UBR3: variants seen among roughly 807,000 people sequenced by gnomAD.
The protein encoded by UBR3 is E3 ubiquitin-protein ligase UBR3.
Under a neutral mutation model 243.2 loss-of-function variants are expected in UBR3, and 85 were observed. The ratio of observed to expected loss-of-function variants is 0.35; its 90% CI spans 0.29 to 0.42. The LOEUF is 0.42. UBR3 is among the 10% of genes least tolerant of loss of function. The pLI is 1.00. For synonymous variants in UBR3, 748 were observed against 799.8 expected, an observed-to-expected ratio of 0.94 and a Z score of 1.09; for missense variants, 1,686 against 2,300.8, an observed-to-expected ratio of 0.73 and a Z score of 5.47.
At chr2:169,856,858 A>C (rs1422996585) in intron 1 of UBR3, among the ~76,000 whole-genome samples, 13 of 151,860 alleles carry the variant, frequency 8.6e-5, no homozygotes, top group Non-Finnish European at 2.9e-5. Context: ...AGGGGGAGCT[A>C]TCCATTACTT....
intron 19 of UBR3, among the ~76,000 whole-genome samples, chr2:169,940,770 C>T (rs2086551766): frequency 6.6e-6 from 1 of 152,122 alleles, no homozygotes; most frequent in South Asian, 2.1e-4. Context: ...ACAGTTGTCC[C>T]CTCTTATCTG....
intron 1 of UBR3, among the ~76,000 whole-genome samples, chr2:169,835,768 T>C (rs1482926738): frequency 6.6e-6 from 1 of 152,014 alleles, no homozygotes; most frequent in Non-Finnish European, 1.5e-5. Context: ...TAAAACTCAG[T>C]TAAAACTATT....
chr2:169,835,826 T>C (rs1256815729), intron 1 of UBR3, among the ~76,000 whole-genome samples: 1 of 151,990 alleles, frequency 6.6e-6, no homozygotes, highest in East Asian at 1.9e-4. Context: ...AAAAGTAGTA[T>C]AACAGATACC....
At chr2:169,945,583 C>G (rs2086757735) in intron 20 of UBR3, among the ~76,000 whole-genome samples, 1 of 152,182 alleles carries the variant, frequency 6.6e-6, no homozygotes, top group Admixed American at 6.5e-5. Flanking sequence ...TTCATCCTTT[C>G]CATCATTTGG....
At chr2:169,855,184 T>C (rs2105296330) in intron 1 of UBR3, among the ~76,000 whole-genome samples, 1 of 152,282 alleles carries the variant, frequency 6.6e-6, no homozygotes, top group Middle Eastern at 3.4e-3. Context: ...GGATGAAAAA[T>C]TAAGAGATCC....
chr2:170,034,640 G>A (rs1004687463), intron 31 of UBR3, among the ~76,000 whole-genome samples: 1 of 151,966 alleles, frequency 6.6e-6, no homozygotes, highest in African/African-American at 2.4e-5. Flanking sequence ...AAACATCTGT[G>A]TGCAGGTTTT....
chr2:169,928,889 G>T (rs752950996), intron 18 of UBR3, 21 bp downstream of exon 18: 55 of 1,360,584 alleles, frequency 4.0e-5, no homozygotes, highest in Non-Finnish European at 5.2e-5. Flanking sequence ...ATACATAAAT[G>T]GACTCTTTCA....
chr2:169,872,310 A>C lies in UBR3; in HGVS notation c.620A>C (p.Glu207Ala). The C allele has an allele frequency of 1.3e-6, 2 of 1,532,102 alleles. No individual in the cohort carries two copies. The highest frequency in any genetic ancestry group is 1.8e-6 in the Non-Finnish European group (2 of 1,132,542). 94.9% of individuals were successfully genotyped at this position (1,532,102 alleles called of 1,614,324 possible). Residue 207 changes from glutamate to alanine, a missense_variant, in exon 2 of 39, where the codon GAA (glutamate) becomes GCA (alanine). Physicochemically the swap from Glu to Ala is moderately radical, Grantham distance 107. Coordinates refer to ENST00000272793, the MANE Select transcript of UBR3 (RefSeq NM_172070.4). ...CVPKDLLMMSEFVLPRFIFCL... is the reference protein window; with the variant it reads ...CVPKDLLMMSAFVLPRFIFCL... The stretch of plus-strand genomic sequence containing the variant: ...CCTAAAGACTTACTGATGATGTCTG[A>C]ATTTGTTCTTCCAAGATTTATATTT...
At chr2:169,980,622 T>C (rs915860219) in intron 24 of UBR3, among the ~76,000 whole-genome samples, 11 of 152,092 alleles carry the variant, frequency 7.2e-5, no homozygotes, top group African/African-American at 2.4e-4. Flanking sequence ...GGTTTCTTTT[T>C]TTTTTTAATT....
intron 1 of UBR3, among the ~76,000 whole-genome samples, chr2:169,851,856 AAC>A (rs1163365244): frequency 6.6e-6 from 1 of 151,046 alleles, no homozygotes. Context: ...AAAAAAAAAC[AAC>A]AGTTAAGTGA....
chr2:169,833,547 T>A (rs1239713425), intron 1 of UBR3, among the ~76,000 whole-genome samples: 1 of 152,192 alleles, frequency 6.6e-6, no homozygotes, highest in Non-Finnish European at 1.5e-5. Context: ...TTACATTGCT[T>A]TAGTTACTCA....
chr2:169,921,513 G>T lies in UBR3; in HGVS notation c.1867-2416G>T, dbSNP rs574716928. 8.5e-5 allele frequency among the ~76,000 whole-genome samples: 13 copies of T among 152,296 alleles called. No homozygotes were observed. The East Asian group carries it at 2.5e-3, about 29-fold the overall frequency. On this transcript the variant is annotated intron_variant, in intron 11 of 38. Transcript: ENST00000272793. ...GAATGTGAACATAGGATATGCTAAA[G>T]CCCTGAAAGATAAAATAGGGTCCAT...
chr2:169,974,266 C>A (rs549567506), intron 24 of UBR3, among the ~76,000 whole-genome samples: 1 of 152,170 alleles, frequency 6.6e-6, no homozygotes, highest in Admixed American at 6.5e-5. Flanking sequence ...AACATTTTGG[C>A]AGAATTTAGC....
rs759861635 is a variant in UBR3, at chr2:169,949,989, T to G, written c.3469T>G (p.Cys1157Gly). 7 of 1,613,296 alleles carry G rather than the reference T, an allele frequency of 4.3e-6. No individual in the cohort carries two copies. The South Asian group carries it at 7.7e-5, about 18-fold the overall frequency. ...GAACAAACGCATCATTGAAGAGATA[T>G]GTAGAAAAGTGACCCCTCCTGTACC... ...RMNKRIIEEICRKVTPPVPPK... is the reference protein window; with the variant it reads ...RMNKRIIEEIGRKVTPPVPPK... Residue 1157 changes from cysteine (C) to glycine (G), a missense_variant, in exon 23 of 39, where the codon TGT becomes GGT. Cys to Gly is a radical substitution (Grantham distance 159, BLOSUM62 -3). Around this residue, in one of 8 missense-constraint regions of UBR3, gnomAD observed 300 missense variants for 314.4 expected, o/e 0.95. Transcript: ENST00000272793.
intron 13 of UBR3, among the ~76,000 whole-genome samples, chr2:169,924,623 C>G (rs1406175897): frequency 6.6e-6 from 1 of 152,162 alleles, no homozygotes; most frequent in African/African-American, 2.4e-5. Flanking sequence ...ATTTGACAGG[C>G]CAGCTTTTTA....
intron 19 of UBR3, among the ~76,000 whole-genome samples, chr2:169,939,577 C>CT (rs1032835514): frequency 1.5e-5 from 2 of 136,592 alleles, no homozygotes; most frequent in Admixed American, 1.5e-4. Context: ...TTTTTTTTTC[C>CT]TTTTTTGAGA....
In UBR3 at chr2:169,877,592, G is replaced by A. The variant is rs765450195; in HGVS notation, c.943G>A (p.Gly315Ser). The A allele has an allele frequency of 3.2e-5, 49 of 1,549,298 alleles. No individual in the cohort carries two copies. The highest frequency in any genetic ancestry group is 7.8e-6 in the Non-Finnish European group (9 of 1,146,560). The part of the protein sequence containing the change: ...LTYPEDKLVY[G>S]VQEPSAGTSS... Reference sequence around the variant, plus strand: ...ATATCCTGAGGATAAGCTTGTATATGGTGTGCAGGAGCCATCTGCTGGTAC... The same window carrying A: ...ATATCCTGAGGATAAGCTTGTATATAGTGTGCAGGAGCCATCTGCTGGTAC... The change falls in exon 4 of 39, where the codon GGT becomes AGT. Residue 315 changes from glycine (G) to serine (S), a missense_variant. Transcript: ENST00000272793.
In UBR3 at chr2:169,932,771, AAGCTTCTT is replaced by A. The variant is rs889844607; in HGVS notation, c.2567-139_2567-132del. ...GACTTAGAAAAGTAATCATGGCATC[AAGCTTCTT>A]AAGGCAAATACTATAATCAGATTAA... On this transcript the variant is annotated intron_variant, in intron 18 of 38. Transcript: ENST00000272793. The A allele has an allele frequency of 2.3e-5, 15 of 652,790 alleles. No homozygotes were observed. The African/African-American group carries it at 2.7e-4, about 12-fold the overall frequency. The allele number at this position is 652,790 out of a possible 1,614,324, so 40.4% of individuals were successfully genotyped here.
intron 3 of UBR3, among the ~76,000 whole-genome samples, chr2:169,876,611 G>A (rs529331213): frequency 6.6e-6 from 1 of 151,126 alleles, no homozygotes; most frequent in Non-Finnish European, 1.5e-5. Flanking sequence ...AGGCTGGAGT[G>A]CAGTGGCGTG....
Sources: allele counts gnomAD v4.1 joint callset (sites outside exome capture counted in the v4.1 genomes callset), GRCh38; gene constraint gnomAD v4.1.1; regional missense constraint gnomAD v4.1.1; transcripts MANE v1.5; gene names NCBI Gene and HGNC (gene_info 2026-07-23, HGNC 2026-07-21).